The following MEF2C variants were observed in gnomAD, a reference collection of about 807,000 sequenced individuals.
MEF2C encodes myocyte-specific enhancer factor 2C.
MEF2C carries 6 observed loss-of-function variants against 50.5 expected under a neutral mutation model. That is an observed-to-expected ratio of 0.12 (90% CI 0.07 to 0.23). The LOEUF (loss-of-function observed/expected upper bound fraction) is 0.23. Among genes scored for constraint, MEF2C ranks in the 10% least tolerant of loss-of-function variants. The pLI is 1.00. For missense variants in MEF2C, 276 were observed against 605.0 expected (o/e 0.46, Z 5.70); for synonymous variants, 183 against 228.0 (o/e 0.80, Z 1.78).
chr5:88,897,735 G>T (rs2150304663), intron 1 of MEF2C, among the ~76,000 whole-genome samples: 1 of 152,168 alleles, frequency 6.6e-6, no homozygotes, highest in South Asian at 2.1e-4. Flanking sequence ...ATTTTAAAAG[G>T]TAAAGTCTAT....
At chr5:88,755,642 G>A (rs1774947828) in intron 4 of MEF2C, among the ~76,000 whole-genome samples, 1 of 152,128 alleles carries the variant, frequency 6.6e-6, no homozygotes, top group African/African-American at 2.4e-5. Context: ...CTTAGAGTTT[G>A]TATTTAAAGC....
intron 1 of MEF2C, chr5:88,838,688 A>G (rs1359860467): frequency 4.6e-5 from 45 of 984,882 alleles, no homozygotes; most frequent in Non-Finnish European, 5.3e-5. Context: ...CTCTGGTATG[A>G]CCCTGGCCAT....
At chr5:88,833,435 G>A (rs1813792051) in intron 1 of MEF2C, among the ~76,000 whole-genome samples, 1 of 152,078 alleles carries the variant, frequency 6.6e-6, no homozygotes, top group Non-Finnish European at 1.5e-5. Context: ...CAAAGAAGCT[G>A]AAAATATCCT....
intron 6 of MEF2C, chr5:88,734,966 G>A (rs1376640084): frequency 1.0e-6 from 1 of 985,266 alleles, no homozygotes; most frequent in East Asian, 1.1e-4. Flanking sequence ...AATTTCTGCT[G>A]TTTTTAGCAT....
chr5:88,772,559 A>AAAAT (rs1782847716), intron 3 of MEF2C, among the ~76,000 whole-genome samples: 1 of 152,252 alleles, frequency 6.6e-6, no homozygotes, highest in Admixed American at 6.5e-5. Flanking sequence ...GACAGCACCA[A>AAAAT]AAATACTGCA....
intron 6 of MEF2C, chr5:88,741,928 C>G (rs1223499458): frequency 1.0e-6 from 1 of 985,052 alleles, no homozygotes; most frequent in East Asian, 1.1e-4. Context: ...ATCCAAGGTT[C>G]TTGGTATAAT....
chr5:88,812,380 G>T (rs757276839), intron 2 of MEF2C, among the ~76,000 whole-genome samples: 4 of 152,222 alleles, frequency 2.6e-5, no homozygotes, highest in Middle Eastern at 3.4e-3. Flanking sequence ...TGGATGCTCA[G>T]ACTATGTTAA....
intron 1 of MEF2C, among the ~76,000 whole-genome samples, chr5:88,878,888 G>C (rs934370618): frequency 6.6e-6 from 1 of 152,018 alleles, no homozygotes; most frequent in Non-Finnish European, 1.5e-5. Flanking sequence ...ATTTACCTAT[G>C]TTTCTCACTT....
At chr5:88,738,402 A>G in intron 6 of MEF2C, 1 of 979,304 alleles carries the variant, frequency 1.0e-6, no homozygotes, top group Non-Finnish European at 1.2e-6. Context: ...GATATTGTAC[A>G]TGGATATAAA....
intron 7 of MEF2C, 156 bp downstream of exon 7, chr5:88,731,573 A>T (rs560228495): frequency 6.0e-6 from 4 of 666,956 alleles, no homozygotes; most frequent in Non-Finnish European, 1.0e-5. Context: ...AGTTACCAGA[A>T]ATAATAGCTA....
intron 3 of MEF2C, among the ~76,000 whole-genome samples, chr5:88,769,299 G>C (rs1397006157): frequency 2.0e-5 from 3 of 152,096 alleles, no homozygotes; most frequent in African/African-American, 7.2e-5. Context: ...CTTTTACATT[G>C]GTCTTATTCT....
chr5:88,902,497 A>G (rs1231445795), intron 1 of MEF2C, among the ~76,000 whole-genome samples: 2 of 150,804 alleles, frequency 1.3e-5, no homozygotes, highest in African/African-American at 2.4e-5. Context: ...AGTATTTCTG[A>G]TAATTTTTTA....
At chr5:88,734,598 T>TTTTTTTTTTTTTG in intron 6 of MEF2C, 4 of 883,914 alleles carry the variant, frequency 4.5e-6, no homozygotes, top group Non-Finnish European at 5.3e-6. Flanking sequence ...TTTTTTTTTT[T>TTTTTTTTTTTTTG]AGCATTTTCT....
In MEF2C at chr5:88,778,155, G is replaced by A. The variant is rs377157938; in HGVS notation, c.259-16827C>T. On this transcript the variant is annotated intron_variant, in intron 3 of 10. Coordinates refer to ENST00000504921, the MANE Select transcript of MEF2C (RefSeq NM_002397.5). ...GATCTCTTGACCTTGTGATCCACCCGCCTCAGCCTCTCAAAGTGCTGGGAT... is the reference window on the plus strand; with the variant it reads ...GATCTCTTGACCTTGTGATCCACCCACCTCAGCCTCTCAAAGTGCTGGGAT... Among the ~76,000 whole-genome samples, 130 of 151,630 alleles carry A rather than the reference G, an allele frequency of 8.6e-4. 1 individual carries two copies. The South Asian group carries it at 0.025, about 29-fold the overall frequency.
intron 3 of MEF2C, among the ~76,000 whole-genome samples, chr5:88,769,424 C>A (rs571911571): frequency 6.6e-6 from 1 of 152,028 alleles, no homozygotes; most frequent in African/African-American, 2.4e-5. Flanking sequence ...AGGATTCTTC[C>A]GCCAAACCTC....
rs180930999 is a variant in MEF2C at position 88,789,409 on chromosome 5, C to G, written c.258+15189G>C. ...TCTTGAACTCCTAGGCTCAAGTAAT[C>G]CTCCTGTCTCAGCCTCCCAAAGTGC... On this transcript the variant is annotated intron_variant, in intron 3 of 10. Coordinates refer to ENST00000504921, the MANE Select transcript of MEF2C (RefSeq NM_002397.5). Among the ~76,000 whole-genome samples the G allele has an allele frequency of 8.6e-5, 13 of 152,020 alleles. No homozygotes were observed. In the East Asian group the frequency reaches 2.5e-3, roughly 29 times the overall value.
chr5:88,865,441 ATCT>A (rs1198065982), intron 1 of MEF2C, among the ~76,000 whole-genome samples: 1 of 152,164 alleles, frequency 6.6e-6, no homozygotes, highest in Non-Finnish European at 1.5e-5. Flanking sequence ...CTACATCGCA[ATCT>A]TCTTCAAGGA....
intron 1 of MEF2C, among the ~76,000 whole-genome samples, chr5:88,840,426 C>T (rs1416332482): frequency 3.3e-5 from 5 of 152,112 alleles, no homozygotes; most frequent in African/African-American, 1.2e-4. Context: ...ATCAGATTTG[C>T]CTAGATCTCT....
chr5:88,869,958 T>C lies in MEF2C; in HGVS notation c.-143+12997A>G, dbSNP rs186392878. On this transcript the variant is annotated intron_variant, in intron 1 of 10. Coordinates refer to ENST00000504921, the MANE Select transcript of MEF2C (RefSeq NM_002397.5). ...CAAACACTTAGGGAAATCAGTACTA[T>C]ATATCAGATCAAATAACTGGTACTT... is the stretch of plus-strand genomic sequence containing the variant. Among the ~76,000 whole-genome samples, 11 of 151,648 alleles carry C rather than the reference T, an allele frequency of 7.3e-5. No individual in the cohort carries two copies. The East Asian group carries it at 7.7e-4, about 11-fold the overall frequency.
Sources: allele counts gnomAD v4.1 joint callset (sites outside exome capture counted in the v4.1 genomes callset), GRCh38; gene constraint gnomAD v4.1.1; transcripts MANE v1.5; gene names NCBI Gene and HGNC (gene_info 2026-07-23, HGNC 2026-07-21).